SELENOI: variants seen among roughly 807,000 people sequenced by gnomAD.
SELENOI encodes the protein ethanolaminephosphotransferase 1.
Under a neutral mutation model 50.7 loss-of-function variants are expected in SELENOI, and 24 were observed. The ratio of observed to expected loss-of-function variants is 0.47; its 90% CI spans 0.34 to 0.67. The LOEUF is 0.67. SELENOI is among the 30% of genes least tolerant of loss of function. SELENOI has a pLI of 0.01. For synonymous variants in SELENOI, 155 were observed against 170.2 expected (o/e 0.91, Z 0.70); for missense variants, 352 against 461.4 (o/e 0.76, Z 2.17).
At chr2:26,381,254 T>C (rs1399405037) in intron 6 of SELENOI, among the ~76,000 whole-genome samples, 1 of 143,616 alleles carries the variant, frequency 7.0e-6, no homozygotes, top group Non-Finnish European at 1.5e-5. Context: ...AATTTTTCTC[T>C]AGCTGTTAAG....
chr2:26,392,431 A>G lies in SELENOI; in HGVS notation c.*3328A>G, dbSNP rs1365888530. On this transcript the variant is annotated 3_prime_UTR_variant, in exon 10 of 10. Coordinates refer to ENST00000260585, the MANE Select transcript of SELENOI (RefSeq NM_033505.4). ...CTATGAAGAATAAAAAGATAATCTG[A>G]AGGTGTTTGAGTCAGAGGCTACTTT... The G allele has an allele frequency of 2.0e-5, 3 of 152,212 alleles. No homozygotes were observed. The highest frequency in any genetic ancestry group is 4.4e-5 in the Non-Finnish European group (3 of 68,034). The allele number at this position is 152,212 out of a possible 1,614,324, so 9.4% of individuals were successfully genotyped here.
At chr2:26,348,555 CTG>C (rs1676868235) in intron 1 of SELENOI, among the ~76,000 whole-genome samples, 2 of 152,116 alleles carry the variant, frequency 1.3e-5, no homozygotes, top group South Asian at 2.1e-4. Context: ...GGGATGGATT[CTG>C]TGTTATGTAT....
chr2:26,371,915 G>A lies in SELENOI; in HGVS notation c.311-1452G>A, dbSNP rs10171681. On this transcript the variant is annotated intron_variant, in intron 4 of 9. Transcript: ENST00000260585. ...AGGGAGAGGGAGAGGGAGAGGGAGCGCATTCCCTCCTCTTGAAATGACATA... is the reference window on the plus strand; with the variant it reads ...AGGGAGAGGGAGAGGGAGAGGGAGCACATTCCCTCCTCTTGAAATGACATA... Among the ~76,000 whole-genome samples, 757 of 151,544 alleles carry A rather than the reference G, an allele frequency of 5.0e-3. 6 individuals carry two copies. The highest frequency in any genetic ancestry group is 0.018 in the African/African-American group (732 of 41,028).
Position 26,372,935 on chromosome 2 carries a change from C to T in SELENOI, c.311-432C>T, listed in dbSNP as rs141680761. 7.1e-3 allele frequency among the ~76,000 whole-genome samples: 1,078 copies of T among 152,310 alleles called. 7 individuals are homozygous for T. The highest frequency in any genetic ancestry group is 0.011 in the Admixed American group (174 of 15,304). Reference sequence around the variant, plus strand: ...GCAGGATCTCGCTCTGTTGCCCAGACTGGAATGCAGTGGCATGATCATAGC... The same window carrying T: ...GCAGGATCTCGCTCTGTTGCCCAGATTGGAATGCAGTGGCATGATCATAGC... On this transcript the variant is annotated intron_variant, in intron 4 of 9. Transcript: ENST00000260585.
In SELENOI at chr2:26,373,477, T is replaced by A. The variant is rs1677501819; in HGVS notation, c.421T>A (p.Tyr141Asn). 1 of 1,613,912 alleles carries A rather than the reference T, an allele frequency of 6.2e-7. No homozygotes were observed. Among genetic ancestry groups the A allele is most frequent in the African/African-American group, 1.3e-5 (1 of 74,942 alleles). Residue 141 changes from tyrosine to asparagine, a missense_variant, in exon 5 of 10, where the codon TAT becomes AAT. Physicochemically the swap from Tyr to Asn is moderately radical, Grantham distance 143. Transcript: ENST00000260585. ...ATGTGTTTACTTTGTTGTGACTGTT[T>A]ATTCCATCTTTGGAAGAGGATCAAC... ...WSCVYFVVTV[Y>N]SIFGRGSTGV... is the part of the protein sequence containing the mutation.
At chr2:26,360,194 C>G (rs1261335671) in intron 1 of SELENOI, among the ~76,000 whole-genome samples, 1 of 152,186 alleles carries the variant, frequency 6.6e-6, no homozygotes. Flanking sequence ...AGGTTCAAGT[C>G]ATTCTTCTTC....
intron 1 of SELENOI, among the ~76,000 whole-genome samples, chr2:26,350,706 G>A (rs1258204826): frequency 3.9e-5 from 6 of 152,198 alleles, no homozygotes; most frequent in Admixed American, 1.3e-4. Flanking sequence ...GGCAAGTGCT[G>A]GCTGCTATGG....
intron 1 of SELENOI, among the ~76,000 whole-genome samples, chr2:26,356,411 G>C (rs1574750179): frequency 6.6e-6 from 1 of 152,286 alleles, no homozygotes; most frequent in Non-Finnish European, 1.5e-5. Flanking sequence ...AGATGTGTCA[G>C]TTCAGTTTTC....
chr2:26,346,196 A>G lies in SELENOI; in HGVS notation c.-37A>G. ...TGTGTGTCACAGCCTTGTAGCCGGG[A>G]GTCGCTGCCGAGTGGGCGCTCAGTT... is the stretch of plus-strand genomic sequence containing the variant. On this transcript the variant is annotated 5_prime_UTR_variant, in exon 1 of 10. Transcript: ENST00000260585. 1 of 1,613,352 alleles carries G rather than the reference A, an allele frequency of 6.2e-7. No individual in the cohort carries two copies. The highest frequency in any genetic ancestry group is 1.1e-5 in the South Asian group (1 of 90,970).
chr2:26,359,036 C>T (rs560760590), intron 1 of SELENOI, among the ~76,000 whole-genome samples: 15 of 152,116 alleles, frequency 9.9e-5, no homozygotes, highest in Non-Finnish European at 2.1e-4. Flanking sequence ...AACTGAAGCC[C>T]CCAGTCTGCC....
At position 26,389,325 on chromosome 2, in the gene SELENOI, A is replaced by G. The variant is rs1677913131; in HGVS notation, c.*222A>G. ...ACTATGTGACATTTTGGTTGAGCAG[A>G]ATGTACGTTAGACCAGCAAAATGTT... On this transcript the variant is annotated 3_prime_UTR_variant, in exon 10 of 10. Transcript: ENST00000260585. 2.2e-6 allele frequency: 1 copy of G among 450,852 alleles called. No individual in the cohort carries two copies. Among genetic ancestry groups the G allele is most frequent in the African/African-American group, 1.9e-5 (1 of 51,318 alleles). The allele number at this position is 450,852 out of a possible 1,614,324, so 27.9% of individuals were successfully genotyped here. A position where few individuals can be genotyped will look rare whatever the true frequency, so the allele number is the denominator to read the frequency against.
chr2:26,374,358 T>C (rs1677521748), intron 5 of SELENOI, among the ~76,000 whole-genome samples: 2 of 152,256 alleles, frequency 1.3e-5, no homozygotes. Context: ...CCCAGCTTTT[T>C]GTGTTGCCAT....
At chr2:26,359,466 A>C (rs972543543) in intron 1 of SELENOI, among the ~76,000 whole-genome samples, 1 of 152,102 alleles carries the variant, frequency 6.6e-6, no homozygotes, top group Non-Finnish European at 1.5e-5. Flanking sequence ...AACATGGTGA[A>C]ACCGCGACTC....
At chr2:26,376,633 G>A (rs1403225679) in intron 6 of SELENOI, among the ~76,000 whole-genome samples, 4 of 152,084 alleles carry the variant, frequency 2.6e-5, no homozygotes, top group Non-Finnish European at 4.4e-5. Flanking sequence ...CTTAGCCCCC[G>A]GGTTGTGTTA....
chr2:26,379,660 C>T (rs764945706), intron 6 of SELENOI, among the ~76,000 whole-genome samples: 2 of 151,918 alleles, frequency 1.3e-5, no homozygotes, highest in Non-Finnish European at 1.5e-5. Context: ...TAAACTTCAC[C>T]TAATAATATT....
rs1396213801 is a variant in SELENOI, at chr2:26,364,285, CT to C, written c.58-14del. On this transcript the variant is annotated splice_polypyrimidine_tract_variant and intron_variant, in intron 1 of 9. Coordinates refer to ENST00000260585, the MANE Select transcript of SELENOI (RefSeq NM_033505.4). The stretch of plus-strand genomic sequence containing the variant: ...GGCAAGGATTTACTCTGAATATTTT[CT>C]TTCATTTCTTAACAGTACAGTGCTG... The C allele has an allele frequency of 1.3e-6, 2 of 1,522,390 alleles. No individual in the cohort carries two copies. The highest frequency in any genetic ancestry group is 4.0e-5 in the Admixed American group (2 of 50,508). 94.3% of individuals were successfully genotyped at this position (1,522,390 alleles called of 1,614,324 possible). A position where few individuals can be genotyped will look rare whatever the true frequency, so the allele number is the denominator to read the frequency against.
At chr2:26,359,809 T>G (rs1008078859) in intron 1 of SELENOI, among the ~76,000 whole-genome samples, 3 of 152,108 alleles carry the variant, frequency 2.0e-5, no homozygotes, top group African/African-American at 7.2e-5. Flanking sequence ...TTTGTTTTGG[T>G]TTTTTGGTGA....
intron 9 of SELENOI, among the ~76,000 whole-genome samples, chr2:26,387,257 C>G (rs771041958): frequency 6.6e-6 from 1 of 152,050 alleles, no homozygotes; most frequent in Non-Finnish European, 1.5e-5. Context: ...GTTTTTCTTT[C>G]ACTTTAACAT....
intron 1 of SELENOI, among the ~76,000 whole-genome samples, chr2:26,360,525 G>A (rs1677153142): frequency 6.6e-6 from 1 of 152,178 alleles, no homozygotes; most frequent in South Asian, 2.1e-4. Context: ...TTAAATTATG[G>A]AAAGCTGCTG....
Sources: gnomAD v4.1 joint callset for allele counts (sites outside exome capture counted in the v4.1 genomes callset) on GRCh38, gnomAD v4.1.1 for gene constraint, MANE v1.5 for transcripts, NCBI Gene and HGNC (gene_info 2026-07-23, HGNC 2026-07-21) for gene names.